Variants in HRH1 observed in about 807,000 individuals in gnomAD.
The protein encoded by HRH1 is histamine receptor H1.
In HRH1, 6 loss-of-function variants were observed where a neutral mutation model predicts 10.3. The observed-to-expected ratio is 0.58, with a 90% CI of 0.32 to 1.15. HRH1 has a LOEUF of 1.15. Ranked by LOEUF, HRH1 falls within the 50% of genes most tolerant of loss-of-function variation. HRH1 has a pLI of 0.05. For synonymous variants in HRH1, 242 were observed against 236.7 expected, an observed-to-expected ratio of 1.02 and a Z score of -0.21; for missense variants, 514 against 615.3, an observed-to-expected ratio of 0.84 and a Z score of 1.74.
At chr3:11,230,149 G>A (rs1401314798) in intron 1 of HRH1, among the ~76,000 whole-genome samples, 1 of 152,212 alleles carries the variant, frequency 6.6e-6, no homozygotes, top group Non-Finnish European at 1.5e-5. Context: ...GCATGTTCTA[G>A]GGAGGTGACA....
At chr3:11,146,032 C>A (rs1278505984) in intron 1 of HRH1, among the ~76,000 whole-genome samples, 1 of 152,114 alleles carries the variant, frequency 6.6e-6, no homozygotes, top group East Asian at 1.9e-4. Flanking sequence ...TATGTGCAGT[C>A]TTTTGTGGGT....
intron 1 of HRH1, among the ~76,000 whole-genome samples, chr3:11,186,692 C>T (rs575869228): frequency 6.6e-6 from 1 of 152,270 alleles, no homozygotes; most frequent in East Asian, 1.9e-4. Flanking sequence ...GTTCATGTAG[C>T]ACAGGCTGGG....
intron 1 of HRH1, among the ~76,000 whole-genome samples, chr3:11,197,799 C>T (rs1274212536): frequency 6.6e-6 from 1 of 152,126 alleles, no homozygotes; most frequent in Admixed American, 6.6e-5. Context: ...ATTGCAGGCT[C>T]CTCTGCTGTC....
intron 1 of HRH1, among the ~76,000 whole-genome samples, chr3:11,188,741 A>G (rs1182522902): frequency 6.6e-6 from 1 of 152,208 alleles, no homozygotes; most frequent in Non-Finnish European, 1.5e-5. Flanking sequence ...ACGTTCTTGA[A>G]AAATATATGA....
intron 1 of HRH1, among the ~76,000 whole-genome samples, chr3:11,185,381 C>T (rs974476319): frequency 6.6e-6 from 1 of 152,156 alleles, no homozygotes; most frequent in East Asian, 1.9e-4. Context: ...TAAGTCACTC[C>T]CCTGACCTCC....
chr3:11,257,221 C>G (rs1448945301), intron 1 of HRH1, among the ~76,000 whole-genome samples: 1 of 148,062 alleles, frequency 6.8e-6, no homozygotes, highest in Non-Finnish European at 1.5e-5. Flanking sequence ...CCACTGCACT[C>G]CAGCCTGGGC....
chr3:11,232,310 A>G (rs1369717749), intron 1 of HRH1, among the ~76,000 whole-genome samples: 1 of 152,056 alleles, frequency 6.6e-6, no homozygotes, highest in African/African-American at 2.4e-5. Flanking sequence ...TAAAAGACAT[A>G]TGGTTTAGGT....
chr3:11,219,122 C>G (rs1183873679), intron 1 of HRH1, among the ~76,000 whole-genome samples: 1 of 151,982 alleles, frequency 6.6e-6, no homozygotes, highest in Non-Finnish European at 1.5e-5. Flanking sequence ...AACTCCTGAC[C>G]TCGTGATCCA....
In HRH1 at chr3:11,257,250, CCT is replaced by C. The variant is rs1256164721; in HGVS notation, c.-35-1752_-35-1751del. Among the ~76,000 whole-genome samples the C allele has an allele frequency of 1.5e-4, 19 of 127,980 alleles. No homozygotes were observed. In the East Asian group the frequency reaches 3.5e-3, roughly 23 times the overall value. 84.0% of individuals were successfully genotyped at this position (127,980 alleles called of 152,430 possible). ...CCTGGGCGACAGAGTGAGACTCTGT[CCT>C]AAAAAAAAAAAAAAAAAAAATGGCT... On this transcript the variant is annotated intron_variant, in intron 1 of 1. Transcript: ENST00000431010.
chr3:11,175,536 C>T (rs1428063515), intron 1 of HRH1, among the ~76,000 whole-genome samples: 1 of 152,134 alleles, frequency 6.6e-6, no homozygotes, highest in Non-Finnish European at 1.5e-5. Context: ...ATTATATAAT[C>T]CACCTACAAA....
chr3:11,222,292 G>A (rs935595197), intron 1 of HRH1, among the ~76,000 whole-genome samples: 9 of 152,312 alleles, frequency 5.9e-5, no homozygotes, highest in East Asian at 1.9e-4. Flanking sequence ...GAACTTCCCA[G>A]CATTGAGCAG....
chr3:11,183,061 C>T (rs534932176), intron 1 of HRH1, among the ~76,000 whole-genome samples: 3 of 152,366 alleles, frequency 2.0e-5, no homozygotes, highest in South Asian at 4.1e-4. Flanking sequence ...CCTCCCGCCC[C>T]CTGGCCATCT....
intron 1 of HRH1, among the ~76,000 whole-genome samples, chr3:11,226,887 A>T (rs1242698997): frequency 1.2e-4 from 2 of 16,520 alleles, no homozygotes; most frequent in African/African-American, 6.2e-4. Flanking sequence ...ACTCAGTCTA[A>T]AAAAAAAAAA....
At chr3:11,145,395 C>T (rs1936415453) in intron 1 of HRH1, among the ~76,000 whole-genome samples, 1 of 152,170 alleles carries the variant, frequency 6.6e-6, no homozygotes, top group African/African-American at 2.4e-5. Flanking sequence ...ACAGGTCCTT[C>T]AATGTTTAGC....
chr3:11,212,358 A>G (rs542255724), intron 1 of HRH1, among the ~76,000 whole-genome samples: 8 of 152,254 alleles, frequency 5.3e-5, no homozygotes, highest in African/African-American at 1.7e-4. Flanking sequence ...CACAATTTTC[A>G]TTTCTCTCTG....
intron 1 of HRH1, among the ~76,000 whole-genome samples, chr3:11,236,803 G>C (rs1939192406): frequency 6.6e-6 from 1 of 152,210 alleles, no homozygotes; most frequent in African/African-American, 2.4e-5. Flanking sequence ...TGGTGCTAAA[G>C]AGCCCCAGGT....
chr3:11,249,402 CAAA>C (rs4037602), intron 1 of HRH1, among the ~76,000 whole-genome samples: 602 of 71,854 alleles, frequency 8.4e-3, no homozygotes, highest in Non-Finnish European at 9.4e-3. Flanking sequence ...GACTCTGTCT[CAAA>C]AAAAAAAAAA....
chr3:11,215,001 A>T (rs1938442268), intron 1 of HRH1, among the ~76,000 whole-genome samples: 1 of 152,252 alleles, frequency 6.6e-6, no homozygotes, highest in Non-Finnish European at 1.5e-5. Context: ...GCAACAGAAT[A>T]AAAATAGTCT....
At position 11,259,555 on chromosome 3, in the gene HRH1, C is replaced by T. The variant is rs779465629; in HGVS notation, c.518C>T (p.Ser173Leu). The change falls in exon 2 of 2, where the codon TCG becomes TTG. Residue 173 changes from serine to leucine, a missense_variant. Ser to Leu is a moderately radical substitution (Grantham distance 145). Transcript: ENST00000431010. The surrounding 1 kb of genome is among the most constrained non-coding windows in gnomAD (Gnocchi z 4.6). ...LGWNHFMQQT[S>L]VRREDKCETD... ...TGGAATCACTTCATGCAGCAGACCT[C>T]GGTGCGCCGAGAGGACAAGTGTGAG... 7.4e-6 allele frequency: 12 copies of T among 1,613,948 alleles called. No individual in the cohort carries two copies. The highest frequency in any genetic ancestry group is 8.5e-6 in the Non-Finnish European group (10 of 1,180,002).
Sources: gnomAD v4.1 joint callset for allele counts (sites outside exome capture counted in the v4.1 genomes callset) on GRCh38, gnomAD v4.1.1 for gene constraint, Gnocchi (gnomAD v3.1) non-coding constraint, MANE v1.5 for transcripts, NCBI Gene and HGNC (gene_info 2026-07-23, HGNC 2026-07-21) for gene names.